Variants in SH3RF1 observed in about 807,000 individuals in gnomAD.
SH3RF1 encodes the protein SH3 domain containing ring finger 1, also known as E3 ubiquitin-protein ligase SH3RF1.
SH3RF1 carries 32 observed loss-of-function variants against 74.0 expected under a neutral mutation model. The ratio of observed to expected loss-of-function variants is 0.43; its 90% CI spans 0.33 to 0.58. The LOEUF (loss-of-function observed/expected upper bound fraction) is 0.58. SH3RF1 is among the 20% of genes least tolerant of loss of function. The pLI, the probability that SH3RF1 is intolerant of heterozygous loss-of-function variation, is 0.05. For missense variants in SH3RF1, 954 were observed against 1,130.9 expected, an observed-to-expected ratio of 0.84 and a Z score of 2.24; for synonymous variants, 396 against 439.6, an observed-to-expected ratio of 0.90 and a Z score of 1.24.
At chr4:169,219,461 A>C (rs1207112553) in intron 2 of SH3RF1, among the ~76,000 whole-genome samples, 1 of 152,178 alleles carries the variant, frequency 6.6e-6, no homozygotes, top group Non-Finnish European at 1.5e-5. Context: ...CTTTATTTTC[A>C]GGTTTTTCCT....
intron 2 of SH3RF1, among the ~76,000 whole-genome samples, chr4:169,182,587 T>C (rs1734528809): frequency 6.6e-6 from 1 of 152,192 alleles, no homozygotes; most frequent in African/African-American, 2.4e-5. Flanking sequence ...CAGACTAATT[T>C]GGGGATTTCA....
intron 2 of SH3RF1, chr4:169,166,425 G>T: frequency 6.0e-6 from 1 of 165,410 alleles, no homozygotes. Flanking sequence ...ATCCTTATTA[G>T]AGGAATTGGC....
chr4:169,123,252 A>G (rs1420077595), intron 6 of SH3RF1, among the ~76,000 whole-genome samples: 1 of 152,228 alleles, frequency 6.6e-6, no homozygotes, highest in African/African-American at 2.4e-5. Flanking sequence ...GTTTTTTGGA[A>G]TAAAAATTTG....
chr4:169,226,453 T>C (rs2660405), intron 2 of SH3RF1, among the ~76,000 whole-genome samples: 72,568 of 151,008 alleles, frequency 0.48, 18,422 homozygotes, highest in East Asian at 0.78. Flanking sequence ...ACATGGAATG[T>C]TATAATGAAG....
At chr4:169,154,306 G>T (rs898608788) in intron 4 of SH3RF1, among the ~76,000 whole-genome samples, 1 of 152,128 alleles carries the variant, frequency 6.6e-6, no homozygotes, top group Non-Finnish European at 1.5e-5. Flanking sequence ...CTTTCCCATG[G>T]ATATACAGTA....
intron 2 of SH3RF1, among the ~76,000 whole-genome samples, chr4:169,217,046 C>T (rs921745401): frequency 2.7e-5 from 4 of 150,630 alleles, no homozygotes; most frequent in African/African-American, 9.8e-5. Context: ...GTCTGTAGTC[C>T]CAGCTACTTG....
chr4:169,263,098 G>A (rs528710552), intron 2 of SH3RF1, among the ~76,000 whole-genome samples: 11 of 152,158 alleles, frequency 7.2e-5, no homozygotes, highest in South Asian at 2.1e-4. Context: ...GCTTGGGTCC[G>A]GTATGAGTTA....
chr4:169,141,319 G>A (rs1282283156), intron 4 of SH3RF1, among the ~76,000 whole-genome samples: 1 of 152,022 alleles, frequency 6.6e-6, no homozygotes, highest in Non-Finnish European at 1.5e-5. Context: ...AATATTTCAT[G>A]AACATCTTTG....
intron 2 of SH3RF1, among the ~76,000 whole-genome samples, chr4:169,197,033 TCTCA>T (rs980986085): frequency 6.0e-4 from 92 of 152,148 alleles, no homozygotes; most frequent in African/African-American, 2.0e-3. Context: ...TGAGACATTG[TCTCA>T]CTCTTTCATC....
At chr4:169,195,199 T>C (rs1183567946) in intron 2 of SH3RF1, among the ~76,000 whole-genome samples, 2 of 152,214 alleles carry the variant, frequency 1.3e-5, no homozygotes, top group African/African-American at 4.8e-5. Flanking sequence ...GAACTCCAGG[T>C]TGACAACTAT....
At chr4:169,168,655 G>T (rs1385720255) in intron 2 of SH3RF1, among the ~76,000 whole-genome samples, 1 of 152,210 alleles carries the variant, frequency 6.6e-6, no homozygotes, top group Non-Finnish European at 1.5e-5. Context: ...GACAGAGAGG[G>T]TTGTTAAATA....
intron 11 of SH3RF1, among the ~76,000 whole-genome samples, chr4:169,100,275 C>T (rs1732997497): frequency 6.6e-6 from 1 of 152,128 alleles, no homozygotes; most frequent in South Asian, 2.1e-4. Context: ...AATCTGCATC[C>T]CATCCACTCC....
At chr4:169,188,883 C>T (rs752150350) in intron 2 of SH3RF1, among the ~76,000 whole-genome samples, 3 of 152,146 alleles carry the variant, frequency 2.0e-5, no homozygotes, top group Non-Finnish European at 4.4e-5. Context: ...GTGGTTGCGT[C>T]ACTAAGAAAA....
chr4:169,185,692 A>G (rs1734588773), intron 2 of SH3RF1, among the ~76,000 whole-genome samples: 1 of 152,150 alleles, frequency 6.6e-6, no homozygotes, highest in Non-Finnish European at 1.5e-5. Flanking sequence ...TCAGACCCAT[A>G]GGAACTTGAA....
chr4:169,232,788 T>A (rs1026239391), intron 2 of SH3RF1, among the ~76,000 whole-genome samples: 1 of 152,162 alleles, frequency 6.6e-6, no homozygotes, highest in African/African-American at 2.4e-5. Flanking sequence ...TTACCCCTCT[T>A]CAGTGATACA....
intron 2 of SH3RF1, among the ~76,000 whole-genome samples, chr4:169,212,062 T>TTTTTTTTTTTTTTTTTTTTTTA (rs1730385351): frequency 7.6e-6 from 1 of 131,460 alleles, no homozygotes; most frequent in East Asian, 2.1e-4. Flanking sequence ...CTTTTCTTTT[T>TTTTTTTTTTTTTTTTTTTTTTA]TTTTTTTTTT....
In SH3RF1 at chr4:169,137,081, G is replaced by T. The variant is rs77932418; in HGVS notation, c.766-461C>A. 3.9e-3 allele frequency among the ~76,000 whole-genome samples: 600 copies of T among 152,292 alleles called. 5 individuals carry two copies. The highest frequency in any genetic ancestry group is 0.014 in the African/African-American group (580 of 41,572). On this transcript the variant is annotated intron_variant, in intron 4 of 11. Transcript: ENST00000284637. ...CAACTTCTGGGTTTGGTAAAAATGA[G>T]CAAGAAGACAAAGAATAAAACCATT...
At chr4:169,229,316 C>G (rs1001701766) in intron 2 of SH3RF1, among the ~76,000 whole-genome samples, 1 of 152,022 alleles carries the variant, frequency 6.6e-6, no homozygotes. Flanking sequence ...TGTAGGTCAC[C>G]TTCTTTAATA....
Position 169,244,039 on chromosome 4 carries a change from T to C in SH3RF1, c.393+24781A>G, listed in dbSNP as rs549778208. 5.3e-5 allele frequency among the ~76,000 whole-genome samples: 8 copies of C among 152,360 alleles called. 1 individual carries two copies. In the South Asian group the frequency reaches 1.7e-3, roughly 32 times the overall value. On this transcript the variant is annotated intron_variant, in intron 2 of 11. Transcript: ENST00000284637. ...TAAATGAGGTTTTGAACTGCATTCCTGTTCATTTCTGATTTAGCAACAGGC... is the reference window on the plus strand; with the variant it reads ...TAAATGAGGTTTTGAACTGCATTCCCGTTCATTTCTGATTTAGCAACAGGC...
Sources: gnomAD v4.1 joint callset for allele counts (sites outside exome capture counted in the v4.1 genomes callset) on GRCh38, gnomAD v4.1.1 for gene constraint, MANE v1.5 for transcripts, NCBI Gene and HGNC (gene_info 2026-07-23, HGNC 2026-07-21) for gene names.